The following SETBP1 variants were observed in gnomAD, a reference collection of about 807,000 sequenced individuals.
The protein encoded by SETBP1 is SET binding protein 1.
A neutral mutation model predicts 101.0 loss-of-function variants in SETBP1; 9 were observed. The ratio of observed to expected loss-of-function variants is 0.09; its 90% confidence interval spans 0.05 to 0.16. The LOEUF is 0.16. Ranked by LOEUF, SETBP1 falls within the 10% of genes least tolerant of loss-of-function variation. The probability of loss-of-function intolerance (pLI) is 1.00; values close to 1 mark genes in which losing one functional copy is unlikely to be tolerated. For missense variants in SETBP1, 1,858 were observed against 2,033.8 expected (o/e 0.91, Z 1.66); for synonymous variants, 818 against 788.5 (o/e 1.04, Z -0.63).
chr18:44,931,623 C>T (rs2070836414), intron 3 of SETBP1, among the ~76,000 whole-genome samples: 2 of 152,134 alleles, frequency 1.3e-5, no homozygotes, highest in African/African-American at 4.8e-5. Context: ...CTGGGTGCTC[C>T]TGTATTGGGT....
intron 4 of SETBP1, chr18:44,970,280 A>G (rs2071813791): frequency 6.5e-6 from 1 of 154,636 alleles, no homozygotes; most frequent in Non-Finnish European, 1.5e-5. Context: ...AGTGATTTAA[A>G]CAACCTCTGC....
intron 4 of SETBP1, chr18:44,987,009 T>G (rs890059040): frequency 6.6e-6 from 1 of 152,188 alleles, no homozygotes; most frequent in African/African-American, 2.4e-5. Flanking sequence ...AAGTATTATG[T>G]ACCGTACCTA....
intron 2 of SETBP1, among the ~76,000 whole-genome samples, chr18:44,736,951 C>T (rs542329513): frequency 3.3e-5 from 5 of 152,346 alleles, no homozygotes; most frequent in Admixed American, 3.3e-4. Flanking sequence ...TTACACACTT[C>T]ATTGCCCTCC....
chr18:44,720,137 A>G (rs1038185512), intron 2 of SETBP1, among the ~76,000 whole-genome samples: 27 of 152,138 alleles, frequency 1.8e-4, no homozygotes, highest in African/African-American at 6.5e-4. Context: ...ATACAATCTG[A>G]TAGAGCCCTG....
At position 44,860,747 on chromosome 18, in the gene SETBP1, C is replaced by CAA. The variant is rs10699106; in HGVS notation, c.487-8470_487-8469dup. On this transcript the variant is annotated intron_variant, in intron 2 of 5. Transcript: ENST00000649279. The stretch of plus-strand genomic sequence containing the variant: ...GGGTGACAAGAGTGAAACTTCATCT[C>CAA]AAAAAAAAAAAAAAGTATAAAGAAA... Among the ~76,000 whole-genome samples the CAA allele has an allele frequency of 9.4e-3, 1,248 of 133,150 alleles. 19 individuals are homozygous for CAA. The highest frequency in any genetic ancestry group is 0.032 in the African/African-American group (1,146 of 35,988). The allele number at this position is 133,150 out of a possible 152,430, so 87.4% of individuals were successfully genotyped here. A position where few individuals can be genotyped will look rare whatever the true frequency, so the allele number is the denominator to read the frequency against.
chr18:44,994,001 A>G lies in SETBP1; in HGVS notation c.4000+40661A>G, dbSNP rs185131546. 2.3e-3 allele frequency among the ~76,000 whole-genome samples: 346 copies of G among 152,240 alleles called. 2 individuals carry two copies. Among genetic ancestry groups the G allele is most frequent in the African/African-American group, 7.8e-3 (323 of 41,562 alleles). On this transcript the variant is annotated intron_variant, in intron 4 of 5. Coordinates refer to ENST00000649279, the MANE Select transcript of SETBP1 (RefSeq NM_015559.3). Reference sequence around the variant, plus strand: ...ACAAAAAGGCAAATCACACAAATTAATAAATCTGACTATCTTAATGAAACT... The same window carrying G: ...ACAAAAAGGCAAATCACACAAATTAGTAAATCTGACTATCTTAATGAAACT...
At chr18:44,721,881 C>T (rs2069605347) in intron 2 of SETBP1, among the ~76,000 whole-genome samples, 1 of 152,226 alleles carries the variant, frequency 6.6e-6, no homozygotes, top group African/African-American at 2.4e-5. Context: ...AGAGAAGCTA[C>T]CTAAGCCATC....
chr18:44,900,748 C>T (rs144263343), intron 3 of SETBP1, among the ~76,000 whole-genome samples: 11 of 152,236 alleles, frequency 7.2e-5, no homozygotes, highest in Admixed American at 3.9e-4. Flanking sequence ...CCAGCCCTCC[C>T]GGTGATTCTG....
At chr18:44,975,005 T>C (rs1221506738) in intron 4 of SETBP1, among the ~76,000 whole-genome samples, 1 of 152,244 alleles carries the variant, frequency 6.6e-6, no homozygotes, top group Non-Finnish European at 1.5e-5. Flanking sequence ...AAATCTGATT[T>C]GACCAACACC....
chr18:45,041,028 G>C (rs1217455159), intron 5 of SETBP1, among the ~76,000 whole-genome samples: 1 of 152,178 alleles, frequency 6.6e-6, no homozygotes, highest in African/African-American at 2.4e-5. Flanking sequence ...CACAGGCTGG[G>C]CTTGTGGCCA....
At chr18:45,015,116 C>T (rs2072915150) in intron 4 of SETBP1, among the ~76,000 whole-genome samples, 1 of 152,150 alleles carries the variant, frequency 6.6e-6, no homozygotes, top group Admixed American at 6.5e-5. Context: ...TTTTCGGGGT[C>T]CAAGGCACAG....
intron 4 of SETBP1, among the ~76,000 whole-genome samples, chr18:45,034,909 G>A (rs1395839787): frequency 3.3e-5 from 5 of 152,098 alleles, no homozygotes; most frequent in African/African-American, 4.8e-5. Context: ...GGTTAAATCT[G>A]GGTTTCTTTA....
At chr18:45,003,824 G>A (rs187718582) in intron 4 of SETBP1, among the ~76,000 whole-genome samples, 1 of 152,292 alleles carries the variant, frequency 6.6e-6, no homozygotes, top group African/African-American at 2.4e-5. Flanking sequence ...TTAAATTCCA[G>A]GAAGGGTGAC....
intron 4 of SETBP1, 148 bp downstream of exon 4, chr18:44,953,488 G>C: frequency 2.7e-6 from 2 of 735,568 alleles, no homozygotes; most frequent in Non-Finnish European, 4.8e-6. Flanking sequence ...ATTTGAGTTT[G>C]CTGCACATTT....
intron 3 of SETBP1, among the ~76,000 whole-genome samples, chr18:44,945,984 A>G (rs2071196826): frequency 1.3e-5 from 2 of 152,182 alleles, no homozygotes; most frequent in South Asian, 2.1e-4. Flanking sequence ...CAAAGGACAT[A>G]TTGGAAATGA....
chr18:44,915,193 A>G (rs1221400380), intron 3 of SETBP1, among the ~76,000 whole-genome samples: 1 of 152,158 alleles, frequency 6.6e-6, no homozygotes, highest in African/African-American at 2.4e-5. Flanking sequence ...TGCTCACTGC[A>G]TTTCCCCTCA....
rs367956165 is a variant in SETBP1 at position 44,965,721 on chromosome 18, C to T, written c.4000+12381C>T. On this transcript the variant is annotated intron_variant, in intron 4 of 5. Transcript: ENST00000649279. ...CATCGCTGAAATAGCTTTTTTCTTT[C>T]AGTCTTCCTCCATTATTTTTGAATT... 4.8e-4 allele frequency among the ~76,000 whole-genome samples: 73 copies of T among 152,292 alleles called. 1 individual carries two copies. Among genetic ancestry groups the T allele is most frequent in the African/African-American group, 1.6e-3 (68 of 41,576 alleles).
At position 45,054,389 on chromosome 18, in the gene SETBP1, T is replaced by C. The variant is rs977898811; in HGVS notation, c.4172-8690T>C. 6.6e-5 allele frequency among the ~76,000 whole-genome samples: 10 copies of C among 152,238 alleles called. No homozygotes were observed. The South Asian group carries it at 1.0e-3, about 16-fold the overall frequency. On this transcript the variant is annotated intron_variant, in intron 5 of 5. Coordinates refer to ENST00000649279, the MANE Select transcript of SETBP1 (RefSeq NM_015559.3). ...TTTTAGTAGAGATGGGGTTTCACCA[T>C]GTTGGCCAGACTGGTCTCAAACTCC...
chr18:44,973,074 T>G (rs2145202287), intron 4 of SETBP1, among the ~76,000 whole-genome samples: 1 of 152,246 alleles, frequency 6.6e-6, no homozygotes, highest in African/African-American at 2.4e-5. Context: ...TTATTGAGAG[T>G]TTTTAGCATA....
Sources: gnomAD v4.1 joint callset for allele counts (sites outside exome capture counted in the v4.1 genomes callset) on GRCh38, gnomAD v4.1.1 for gene constraint, MANE v1.5 for transcripts, NCBI Gene and HGNC (gene_info 2026-07-23, HGNC 2026-07-21) for gene names.